The following ADAM15 variants were observed in gnomAD, a reference collection of about 807,000 sequenced individuals.
The protein encoded by ADAM15 is ADAM metallopeptidase domain 15, also known as disintegrin and metalloproteinase domain-containing protein 15.
ADAM15 carries 77 observed loss-of-function variants against 113.8 expected under a neutral mutation model. The ratio of observed to expected loss-of-function variants is 0.68; its 90% CI spans 0.56 to 0.82. ADAM15 has a LOEUF of 0.82. ADAM15 is among the 40% of genes least tolerant of loss of function. The probability of loss-of-function intolerance (pLI) is 0.00; values close to 1 mark genes in which losing one functional copy is unlikely to be tolerated. For missense variants in ADAM15, 963 were observed against 1,120.1 expected (o/e 0.86, Z 2.00); for synonymous variants, 388 against 454.1 (o/e 0.85, Z 1.85).
In ADAM15 at chr1:155,054,003, C is replaced by G. The variant is rs1362352519; in HGVS notation, c.342+15C>G. ...GACACACTTTGGTGAGTCAGGCCCT[C>G]TTGTGCCATTTTTGGCTTAGGGGAA... On this transcript the variant is annotated intron_variant, in intron 4 of 22. Coordinates refer to ENST00000356955, the MANE Select transcript of ADAM15 (RefSeq NM_207197.3). 2 of 1,613,958 alleles carry G rather than the reference C, an allele frequency of 1.2e-6. No homozygotes were observed. Among genetic ancestry groups the G allele is most frequent in the Non-Finnish European group, 1.7e-6 (2 of 1,179,976 alleles).
chr1:155,058,442 G>T lies in ADAM15; in HGVS notation c.1917+1G>T. On this transcript the variant is annotated splice_donor_variant, in intron 15 of 22. Coordinates refer to ENST00000356955, the MANE Select transcript of ADAM15 (RefSeq NM_207197.3). LOFTEE classifies it high-confidence loss of function. The surrounding 1 kb of genome is among the most constrained non-coding windows in gnomAD (Gnocchi z 4.3). ...TGGCACAGCCTGTGGCCCTGGCCTG[G>T]TGAGCAGCCTGGGTGGGCAAGACCA... is the stretch of plus-strand genomic sequence containing the variant. The T allele has an allele frequency of 1.9e-6, 3 of 1,610,800 alleles. No homozygotes were observed. Among genetic ancestry groups the T allele is most frequent in the Non-Finnish European group, 2.5e-6 (3 of 1,179,992 alleles).
chr1:155,061,518 C>A, intron 20 of ADAM15, 29 bp downstream of exon 20: 1 of 1,607,304 alleles, frequency 6.2e-7, no homozygotes, highest in Non-Finnish European at 8.5e-7. Context: ...CCGCCCTGAG[C>A]CAAGGCAGGT....
chr1:155,060,630 C>T (rs1242223142), intron 18 of ADAM15, 133 bp from the exon 19 acceptor site: 11 of 1,050,858 alleles, frequency 1.0e-5, no homozygotes, highest in African/African-American at 1.6e-5. Flanking sequence ...GCCCCCCACC[C>T]CGGCCCTACC....
At chr1:155,061,586 C>T in intron 20 of ADAM15, 97 bp downstream of exon 20, 3 of 1,318,962 alleles carry the variant, frequency 2.3e-6, no homozygotes, top group South Asian at 1.3e-5. Flanking sequence ...TGGTGCTCTT[C>T]ATTAGGTGAT....
At chr1:155,052,001 A>G in intron 1 of ADAM15, 1 of 161,684 alleles carries the variant, frequency 6.2e-6, no homozygotes, top group Non-Finnish European at 1.4e-5. Context: ...GAGAAGGGAG[A>G]ATTGGCCAGG....
Position 155,056,608 on chromosome 1 carries a change from C to G in ADAM15, c.999+138C>G. On this transcript the variant is annotated intron_variant, in intron 10 of 22. Transcript: ENST00000356955. The surrounding 1 kb of genome is among the most constrained non-coding windows in gnomAD (Gnocchi z 4.0). Reference sequence around the variant, plus strand: ...TAGAGGGTGGAGGTACGTGATGTGGCCTTTGCTATCAGGGAGCCCTCGCTT... The same window carrying G: ...TAGAGGGTGGAGGTACGTGATGTGGGCTTTGCTATCAGGGAGCCCTCGCTT... 1 of 836,578 alleles carries G rather than the reference C, an allele frequency of 1.2e-6. No individual in the cohort carries two copies. The highest frequency in any genetic ancestry group is 1.9e-6 in the Non-Finnish European group (1 of 533,776). The allele number at this position is 836,578 out of a possible 1,614,324, so 51.8% of individuals were successfully genotyped here.
rs768973456 is a variant in ADAM15 at position 155,055,799 on chromosome 1, G to A, written c.622G>A (p.Val208Met). 3 of 1,614,226 alleles carry A rather than the reference G, an allele frequency of 1.9e-6. No individual in the cohort carries two copies. The highest frequency in any genetic ancestry group is 4.5e-5 in the East Asian group (2 of 44,884). ...TTCTTGTCCATAGTAGAGGCGGGAT[G>A]TGGTAACAGAGACCAAGACTGTGGA... ...GQRHIRRRRDVVTETKTVELV... is the reference protein window; with the variant it reads ...GQRHIRRRRDMVTETKTVELV... The change falls in exon 7 of 23, where the codon GTG becomes ATG. Residue 208 changes from valine (V) to methionine (M), a missense_variant. Coordinates refer to ENST00000356955, the MANE Select transcript of ADAM15 (RefSeq NM_207197.3).
In ADAM15 at chr1:155,057,855, G is replaced by A. The variant is rs1176672316; in HGVS notation, c.1421G>A (p.Arg474His). 1.1e-5 allele frequency: 18 copies of A among 1,613,056 alleles called. No homozygotes were observed. Among genetic ancestry groups the A allele is most frequent in the Non-Finnish European group, 1.4e-5 (16 of 1,179,520 alleles). Residue 474 changes from arginine to histidine, a missense_variant, in exon 14 of 23, where the codon CGC (arginine) becomes CAC (histidine). Arg to His is a conservative substitution (Grantham distance 29). Transcript: ENST00000356955. This position sits in a 1 kb window ranked among gnomAD's most constrained non-coding sequence, Gnocchi z 5.0. Reference sequence around the variant, plus strand: ...ATGCTCATCCACCCTCCACAGCTGCGCCCGTCTGGCTGGCAGTGTCGTCCT... The same window carrying A: ...ATGCTCATCCACCCTCCACAGCTGCACCCGTCTGGCTGGCAGTGTCGTCCT... ...DGPCCQNCQL[R>H]PSGWQCRPTR...
At position 155,056,939 on chromosome 1, in the gene ADAM15, C is replaced by T. The variant is rs1441029522; in HGVS notation, c.1000-14C>T. 21 of 1,542,194 alleles carry T rather than the reference C, an allele frequency of 1.4e-5. No homozygotes were observed. Among genetic ancestry groups the T allele is most frequent in the Non-Finnish European group, 1.7e-5 (20 of 1,144,026 alleles). On this transcript the variant is annotated splice_polypyrimidine_tract_variant and intron_variant, in intron 10 of 22. Transcript: ENST00000356955. This position sits in a 1 kb window ranked among gnomAD's most constrained non-coding sequence, Gnocchi z 4.0. Reference sequence around the variant, plus strand: ...GGCTGGGACTGGACCTACAGTACCCCTCCCCAATGACAGGACCACTCCACC... The same window carrying T: ...GGCTGGGACTGGACCTACAGTACCCTTCCCCAATGACAGGACCACTCCACC...
At chr1:155,060,471 C>A in intron 18 of ADAM15, 128 bp downstream of exon 18, 2 of 1,306,130 alleles carry the variant, frequency 1.5e-6, no homozygotes, top group Middle Eastern at 2.0e-4. Flanking sequence ...TTGCTGACTG[C>A]CATACCCCAC....
intron 19 of ADAM15, 63 bp from the exon 20 acceptor site, chr1:155,061,352 C>A: frequency 6.9e-7 from 1 of 1,440,310 alleles, no homozygotes; most frequent in South Asian, 1.2e-5. Flanking sequence ...CCCTTCCCTG[C>A]CCACTCTGTC....
At chr1:155,060,889 G>A in intron 19 of ADAM15, 57 bp downstream of exon 19, 1 of 1,516,702 alleles carries the variant, frequency 6.6e-7, no homozygotes, top group Admixed American at 1.7e-5. Context: ...TCCAGCTTGG[G>A]CCCTGGGGGG....
chr1:155,058,278 CAGGT>C lies in ADAM15; in HGVS notation c.1758_1761del (p.Arg587ProfsTer16), dbSNP rs1385262765. The C allele has an allele frequency of 4.3e-6, 7 of 1,613,982 alleles. No individual in the cohort carries two copies. Among genetic ancestry groups the C allele is most frequent in the Non-Finnish European group, 5.9e-6 (7 of 1,180,050 alleles). ...ATTTGTGGGCAGCTCCAGTGCCAGACAGGTAGGACCCAGCCTCTGCTGGGCTCCA... is the reference window on the plus strand; with the variant it reads ...ATTTGTGGGCAGCTCCAGTGCCAGACAGGACCCAGCCTCTGCTGGGCTCCA... On this transcript the variant is annotated frameshift_variant, in exon 15 of 23. Transcript: ENST00000356955. LOFTEE classifies it high-confidence loss of function. This position sits in a 1 kb window ranked among gnomAD's most constrained non-coding sequence, Gnocchi z 4.3.
At position 155,060,273 on chromosome 1, in the gene ADAM15, G is replaced by C; in HGVS notation, c.2137G>C (p.Ala713Pro). Residue 713 changes from alanine to proline, a missense_variant, in exon 18 of 23, where the codon GCC becomes CCC. Coordinates refer to ENST00000356955, the MANE Select transcript of ADAM15 (RefSeq NM_207197.3). ...CTTATTGGTCCTGGTGATGCTTGGT[G>C]CCAGCTACTGGTACCGTGCCCGCCT... is the stretch of plus-strand genomic sequence containing the variant. Reference protein sequence around the residue: ...LVLLVLVMLGASYWYRARLHQ... With the variant: ...LVLLVLVMLGPSYWYRARLHQ... The C allele has an allele frequency of 6.2e-7, 1 of 1,614,078 alleles. No homozygotes were observed. The highest frequency in any genetic ancestry group is 1.3e-5 in the African/African-American group (1 of 75,006).
In ADAM15 at chr1:155,060,175, T is replaced by C. The variant is rs201555580; in HGVS notation, c.2069-30T>C. On this transcript the variant is annotated intron_variant, in intron 17 of 22. Transcript: ENST00000356955. ...CATGGATCTAGAGTTCTTAGCCCCG[T>C]CCTCCCTTAAACCTGACTTCCGCCC... The C allele has an allele frequency of 1.2e-5, 19 of 1,611,118 alleles. No homozygotes were observed. The East Asian group carries it at 3.6e-4, about 30-fold the overall frequency.
At chr1:155,060,403 C>T in intron 18 of ADAM15, 60 bp downstream of exon 18, 3 of 1,594,888 alleles carry the variant, frequency 1.9e-6, no homozygotes, top group Non-Finnish European at 1.7e-6. Flanking sequence ...TGAAGGCTGC[C>T]TCACCTCTGC....
intron 3 of ADAM15, 124 bp from the exon 4 acceptor site, chr1:155,053,786 A>G (rs1000322784): frequency 1.8e-6 from 2 of 1,103,332 alleles, no homozygotes; most frequent in African/African-American, 1.6e-5. Flanking sequence ...CGGGGTCAGG[A>G]GTGGAAAAGT....
chr1:155,055,048 C>G (rs1045801741), intron 6 of ADAM15, among the ~76,000 whole-genome samples: 7 of 151,888 alleles, frequency 4.6e-5, no homozygotes, highest in African/African-American at 1.7e-4. Context: ...ACATAGTTAC[C>G]AATGATGAAG....
Position 155,053,447 on chromosome 1 carries a change from T to G in ADAM15, c.217T>G (p.Leu73Val). Reference protein sequence around the residue: ...TSLPEPLRIKLELDGDSHILE... With the variant: ...TSLPEPLRIKVELDGDSHILE... ...TCTGCCTGAGCCCCTGAGGATCAAG[T>G]TGGAGCTGGACGGTGACAGTCATAT... is the stretch of plus-strand genomic sequence containing the variant. Residue 73 changes from leucine to valine, a missense_variant, in exon 3 of 23, where the codon TTG becomes GTG. Transcript: ENST00000356955. 1 of 1,614,098 alleles carries G rather than the reference T, an allele frequency of 6.2e-7. No homozygotes were observed. The highest frequency in any genetic ancestry group is 8.5e-7 in the Non-Finnish European group (1 of 1,180,016).
Sources: allele counts gnomAD v4.1 joint callset (sites outside exome capture counted in the v4.1 genomes callset), GRCh38; gene constraint gnomAD v4.1.1; non-coding constraint Gnocchi (gnomAD v3.1); transcripts MANE v1.5; gene names NCBI Gene and HGNC (gene_info 2026-07-23, HGNC 2026-07-21).